ZNF721: variants seen among roughly 807,000 people sequenced by gnomAD.
The protein encoded by ZNF721 is zinc finger protein 721.
In ZNF721, 2 loss-of-function variants were observed where a neutral mutation model predicts 2.4. That is an observed-to-expected ratio of 0.82 (90% CI 0.34 to 2.58). The LOEUF (loss-of-function observed/expected upper bound fraction) is 2.58, where lower values mean the gene tolerates loss of function less well. Ranked by LOEUF, ZNF721 falls within the 30% of genes most tolerant of loss-of-function variation. The pLI is 0.11. For synonymous variants in ZNF721, 398 were observed against 381.8 expected (o/e 1.04, Z -0.50); for missense variants, 1,187 against 1,085.5 (o/e 1.09, Z -1.31).
chr4:455,569 A>ACAAC (rs1287202152), intron 2 of ZNF721, among the ~76,000 whole-genome samples: 1 of 152,096 alleles, frequency 6.6e-6, no homozygotes, highest in Non-Finnish European at 1.5e-5. Context: ...CCATCTCAAA[A>ACAAC]CAACCAACCA....
chr4:441,820 G>T lies in ZNF721; in HGVS notation c.2647C>A (p.His883Asn). The T allele has an allele frequency of 6.2e-7, 1 of 1,613,880 alleles. No individual in the cohort carries two copies. ...TFRQSANLYA[H>N]KKIHTGEKPY... ...TTCTCTCCAGTATGAATTTTCTTAT[G>T]CGCATAAAGATTTGCAGACTGTCTA... Residue 883 changes from histidine (H) to asparagine (N), a missense_variant, in exon 3 of 3, where the codon CAT becomes AAT. His to Asn is a moderately conservative substitution (Grantham distance 68). Coordinates refer to ENST00000511833, the MANE Select transcript of ZNF721 (RefSeq NM_133474.4).
At chr4:456,873 A>G (rs1019020706) in intron 2 of ZNF721, among the ~76,000 whole-genome samples, 14 of 152,188 alleles carry the variant, frequency 9.2e-5, no homozygotes, top group African/African-American at 3.4e-4. Context: ...GCGAGACTCC[A>G]TAATTAATAA....
At chr4:477,673 A>C (rs1715667453) in intron 1 of ZNF721, among the ~76,000 whole-genome samples, 1 of 152,176 alleles carries the variant, frequency 6.6e-6, no homozygotes, top group Non-Finnish European at 1.5e-5. Flanking sequence ...GAGCAGAAAA[A>C]AGAGCCCCTG....
rs189455423 is a variant in ZNF721, at chr4:488,820, C to T, written c.-94+10236G>A. Among the ~76,000 whole-genome samples, 25 of 151,870 alleles carry T rather than the reference C, an allele frequency of 1.6e-4. No homozygotes were observed. The East Asian group carries it at 4.8e-3, about 29-fold the overall frequency. ...ATTCCGGCCTGGCAACAGAGCGATA[C>T]TCCATCTCAAAAAAAAATAAAATAA... On this transcript the variant is annotated intron_variant, in intron 1 of 2. Transcript: ENST00000511833.
intron 1 of ZNF721, among the ~76,000 whole-genome samples, chr4:485,278 G>C (rs1295801516): frequency 2.0e-5 from 3 of 152,034 alleles, no homozygotes; most frequent in African/African-American, 7.2e-5. Flanking sequence ...GTCCCCCTTA[G>C]TCTTTCATTT....
chr4:451,668 G>A (rs569262977), intron 2 of ZNF721, among the ~76,000 whole-genome samples: 17 of 152,274 alleles, frequency 1.1e-4, no homozygotes, highest in African/African-American at 3.9e-4. Context: ...TGCTATTTAC[G>A]TGAAATAAAG....
intron 1 of ZNF721, among the ~76,000 whole-genome samples, chr4:490,330 G>T (rs1715989857): frequency 6.6e-6 from 1 of 152,052 alleles, no homozygotes; most frequent in African/African-American, 2.4e-5. Flanking sequence ...CAAACAATTA[G>T]CCAGGTGTGG....
intron 1 of ZNF721, among the ~76,000 whole-genome samples, chr4:486,558 G>C (rs1715902532): frequency 6.6e-6 from 1 of 152,122 alleles, no homozygotes; most frequent in Non-Finnish European, 1.5e-5. Context: ...AGCATACTCT[G>C]CTGGTCGGCT....
intron 1 of ZNF721, among the ~76,000 whole-genome samples, chr4:477,125 T>G (rs1222338447): frequency 6.6e-6 from 1 of 152,188 alleles, no homozygotes; most frequent in Non-Finnish European, 1.5e-5. Flanking sequence ...AATATTGATC[T>G]ATTTTCCTCC....
At chr4:494,153 G>C (rs1343037967) in intron 1 of ZNF721, among the ~76,000 whole-genome samples, 1 of 150,476 alleles carries the variant, frequency 6.6e-6, no homozygotes, top group Non-Finnish European at 1.5e-5. Flanking sequence ...TAAACACATA[G>C]ACATATTAGG....
chr4:497,609 C>A (rs782521345), intron 1 of ZNF721, among the ~76,000 whole-genome samples: 2 of 151,858 alleles, frequency 1.3e-5, no homozygotes, highest in African/African-American at 4.8e-5. Flanking sequence ...ACAGGCCGGA[C>A]AGGGCGCGGT....
At chr4:485,835 C>T (rs1553870235) in intron 1 of ZNF721, among the ~76,000 whole-genome samples, 3 of 152,088 alleles carry the variant, frequency 2.0e-5, no homozygotes, top group African/African-American at 4.8e-5. Flanking sequence ...ACTATCCAGG[C>T]GTGCTGGTGC....
Position 459,692 on chromosome 4 carries a change from G to A in ZNF721, c.34+12883C>T, listed in dbSNP as rs183454842. ...TAAAAATACAAAAAATTAGCCGGGC[G>A]TGGTGGCGGGCGCCTGTAGTCCCAG... is the stretch of plus-strand genomic sequence containing the variant. On this transcript the variant is annotated intron_variant, in intron 2 of 2. Transcript: ENST00000511833. Among the ~76,000 whole-genome samples, 846 of 152,116 alleles carry A rather than the reference G, an allele frequency of 5.6e-3. 11 individuals are homozygous for A. Among genetic ancestry groups the A allele is most frequent in the African/African-American group, 0.018 (766 of 41,512 alleles).
intron 1 of ZNF721, among the ~76,000 whole-genome samples, chr4:488,076 C>T (rs1715939331): frequency 6.6e-6 from 1 of 152,164 alleles, no homozygotes; most frequent in Non-Finnish European, 1.5e-5. Context: ...ATAGGAACCT[C>T]AAAAGGAGTA....
Position 443,302 on chromosome 4 carries a change from A to T in ZNF721, c.1165T>A (p.Tyr389Asn). 1 of 1,614,072 alleles carries T rather than the reference A, an allele frequency of 6.2e-7. No homozygotes were observed. The highest frequency in any genetic ancestry group is 8.5e-7 in the Non-Finnish European group (1 of 1,179,978). Residue 389 changes from tyrosine to asparagine, a missense_variant, in exon 3 of 3, where the codon TAC becomes AAC. Tyr to Asn is a moderately radical substitution (Grantham distance 143). Coordinates refer to ENST00000511833, the MANE Select transcript of ZNF721 (RefSeq NM_133474.4). ...HKKIHTGEKP[Y>N]KCEECGKAFN... ...GCTTTGCCACACTCTTCACATTTGT[A>T]AGGTTTCTCTCCAGTATGAATTTTC...
chr4:474,365 C>G (rs1190353591), intron 1 of ZNF721, among the ~76,000 whole-genome samples: 1 of 152,190 alleles, frequency 6.6e-6, no homozygotes, highest in Non-Finnish European at 1.5e-5. Flanking sequence ...CTGTGCTAGG[C>G]TTGGCTCTGC....
In ZNF721 at chr4:442,898, A is replaced by T; in HGVS notation, c.1569T>A (p.His523Gln). Reference protein sequence around the residue: ...STTLTKHRRIHTGEKPYTCEV... With the variant: ...STTLTKHRRIQTGEKPYTCEV... ...CACATGTGTAGGGTTTCTCTCCAGTATGAATTCTCCTATGTTTAGTAAGGG... is the reference window on the plus strand; with the variant it reads ...CACATGTGTAGGGTTTCTCTCCAGTTTGAATTCTCCTATGTTTAGTAAGGG... The change falls in exon 3 of 3, where the codon CAT (histidine) becomes CAA (glutamine). Residue 523 changes from histidine to glutamine, a missense_variant. Transcript: ENST00000511833. 1 of 1,612,864 alleles carries T rather than the reference A, an allele frequency of 6.2e-7. No individual in the cohort carries two copies. Among genetic ancestry groups the T allele is most frequent in the Non-Finnish European group, 8.5e-7 (1 of 1,179,658 alleles).
Position 442,181 on chromosome 4 carries a change from A to G in ZNF721, c.2286T>C (p.Phe762=), listed in dbSNP as rs1265292071. 3.7e-6 allele frequency: 6 copies of G among 1,612,326 alleles called. No homozygotes were observed. Among genetic ancestry groups the G allele is most frequent in the Non-Finnish European group, 4.2e-6 (5 of 1,178,888 alleles). ...LYKCKECGKV[F]KQSSHLNRHE... is the part of the protein sequence containing the mutation. The stretch of plus-strand genomic sequence containing the variant: ...GTCTATTCAGGTGTGAGGACTGTTT[A>G]AACACTTTCCCACATTCTTTACATT... The change falls in exon 3 of 3, where the codon TTT becomes TTC. Residue 762 remains phenylalanine, a synonymous_variant. Coordinates refer to ENST00000511833, the MANE Select transcript of ZNF721 (RefSeq NM_133474.4).
At chr4:477,434 C>A (rs1715660487) in intron 1 of ZNF721, among the ~76,000 whole-genome samples, 1 of 151,788 alleles carries the variant, frequency 6.6e-6, no homozygotes, top group Non-Finnish European at 1.5e-5. Context: ...GAGACGGGGT[C>A]TCACCATGTT....
Sources: gnomAD v4.1 joint callset for allele counts (sites outside exome capture counted in the v4.1 genomes callset) on GRCh38, gnomAD v4.1.1 for gene constraint, MANE v1.5 for transcripts, NCBI Gene and HGNC (gene_info 2026-07-23, HGNC 2026-07-21) for gene names.